C4orf51: variants seen among roughly 807,000 people sequenced by gnomAD.
C4orf51 encodes the protein chromosome 4 open reading frame 51.
In C4orf51, 25 loss-of-function variants were observed where a neutral mutation model predicts 25.2. The observed-to-expected ratio is 0.99, with a 90% CI of 0.72 to 1.39. The LOEUF (loss-of-function observed/expected upper bound fraction) is 1.39. C4orf51 is among the 40% of genes most tolerant of loss of function. The pLI is 0.00. For missense variants in C4orf51, 252 were observed against 239.6 expected (o/e 1.05, Z -0.34); for synonymous variants, 100 against 84.5 (o/e 1.18, Z -1.01).
In C4orf51 at chr4:145,725,038, G is replaced by T. The variant is rs1336867313; in HGVS notation, c.308-1873G>T. ...TAGACTTTGTGGACTCGGGGGAAAGGGTGGGAGGGGGATGAGGAATAAAAG... is the reference window on the plus strand; with the variant it reads ...TAGACTTTGTGGACTCGGGGGAAAGTGTGGGAGGGGGATGAGGAATAAAAG... On this transcript the variant is annotated intron_variant, in intron 2 of 5. Transcript: ENST00000438731. Among the ~76,000 whole-genome samples the T allele has an allele frequency of 2.0e-5, 3 of 151,962 alleles. No homozygotes were observed. In the South Asian group the frequency reaches 6.2e-4, roughly 32 times the overall value.
intron 5 of C4orf51, 48 bp from the exon 6 acceptor site, chr4:145,732,405 G>T (rs1178165538): frequency 1.5e-5 from 18 of 1,194,894 alleles, no homozygotes; most frequent in Non-Finnish European, 2.1e-5. Context: ...GTGGAAAAGT[G>T]ACCTTTGCGG....
intron 2 of C4orf51, among the ~76,000 whole-genome samples, chr4:145,704,564 T>C (rs1730675609): frequency 6.6e-6 from 1 of 152,258 alleles, no homozygotes; most frequent in East Asian, 1.9e-4. Flanking sequence ...GGTTCTCTAT[T>C]CTTTTTCATT....
chr4:145,681,870 A>G lies in C4orf51; in HGVS notation c.233+1434A>G, dbSNP rs567227068. Among the ~76,000 whole-genome samples the G allele has an allele frequency of 3.9e-5, 6 of 152,292 alleles. No homozygotes were observed. The South Asian group carries it at 1.2e-3, about 32-fold the overall frequency. On this transcript the variant is annotated intron_variant, in intron 1 of 5. Transcript: ENST00000438731. ...CACCTCTTATTAGTCCTTACCTCCCAAAACTATTGCATTGGGGATTAAATT... is the reference window on the plus strand; with the variant it reads ...CACCTCTTATTAGTCCTTACCTCCCGAAACTATTGCATTGGGGATTAAATT...
chr4:145,724,397 T>G (rs893542775), intron 2 of C4orf51, among the ~76,000 whole-genome samples: 15 of 152,086 alleles, frequency 9.9e-5, no homozygotes, highest in African/African-American at 3.6e-4. Flanking sequence ...TTAAGATACC[T>G]TCTTTAAAAA....
chr4:145,728,071 C>T (rs1435921880), intron 3 of C4orf51, among the ~76,000 whole-genome samples: 2 of 140,602 alleles, frequency 1.4e-5, no homozygotes, highest in Non-Finnish European at 3.0e-5. Flanking sequence ...CACACACACG[C>T]CATATAAGGA....
chr4:145,788,771 G>C, the C4orf51 span, among the ~76,000 whole-genome samples: 10 of 152,164 alleles, frequency 6.6e-5, no homozygotes, highest in Non-Finnish European at 1.3e-4. Context: ...AAGATTTAAG[G>C]TCTTAGCAAT....
intron 1 of C4orf51, among the ~76,000 whole-genome samples, chr4:145,752,620 G>A (rs1733732092): frequency 6.6e-6 from 1 of 152,188 alleles, no homozygotes; most frequent in African/African-American, 2.4e-5. Flanking sequence ...GGTTGGTGGA[G>A]GGTTGGCATG....
At chr4:145,697,173 C>T (rs1284738274) in intron 2 of C4orf51, among the ~76,000 whole-genome samples, 4 of 150,448 alleles carry the variant, frequency 2.7e-5, no homozygotes, top group African/African-American at 7.3e-5. Context: ...GATCTTGGCT[C>T]GCTGCAAACT....
intron 1 of C4orf51, among the ~76,000 whole-genome samples, chr4:145,770,654 GT>G (rs1195535428): frequency 4.6e-5 from 7 of 151,914 alleles, no homozygotes; most frequent in Non-Finnish European, 7.4e-5. Flanking sequence ...TTAGATATTT[GT>G]ACAGAGTTGG....
At chr4:145,700,756 TC>T (rs1293443572) in intron 2 of C4orf51, among the ~76,000 whole-genome samples, 2 of 152,004 alleles carry the variant, frequency 1.3e-5, no homozygotes, top group East Asian at 3.9e-4. Flanking sequence ...TTTCTAATCT[TC>T]CTTTTCTACA....
At chr4:145,782,946 T>C in the C4orf51 span, among the ~76,000 whole-genome samples, 3 of 152,234 alleles carry the variant, frequency 2.0e-5, no homozygotes, top group African/African-American at 7.2e-5. Flanking sequence ...ATCTCCTTGG[T>C]GAAGCCCTGC....
chr4:145,688,294 C>T (rs1729304249), intron 1 of C4orf51, among the ~76,000 whole-genome samples: 1 of 151,632 alleles, frequency 6.6e-6, no homozygotes, highest in Non-Finnish European at 1.5e-5. Context: ...GATCTCCACT[C>T]AGAAAACCAG....
chr4:145,681,819 T>C (rs865790883), intron 1 of C4orf51, among the ~76,000 whole-genome samples: 15 of 152,198 alleles, frequency 9.9e-5, no homozygotes, highest in African/African-American at 3.6e-4. Flanking sequence ...AATCTATTTG[T>C]GGAGGTTCCA....
chr4:145,682,857 T>C (rs1251779150), intron 1 of C4orf51, among the ~76,000 whole-genome samples: 1 of 152,154 alleles, frequency 6.6e-6, no homozygotes, highest in Non-Finnish European at 1.5e-5. Context: ...GACAGGAACG[T>C]GGCTCAAGTA....
intron 1 of C4orf51, among the ~76,000 whole-genome samples, chr4:145,692,979 T>TTTTTTTTTTTA (rs1729703880): frequency 1.0e-4 from 12 of 116,518 alleles, no homozygotes; most frequent in East Asian, 2.3e-4. Flanking sequence ...TTTTTTTTTT[T>TTTTTTTTTTTA]GTAAGTCCCA....
chr4:145,692,200 G>C (rs1729623378), intron 1 of C4orf51, among the ~76,000 whole-genome samples: 1 of 152,172 alleles, frequency 6.6e-6, no homozygotes. Flanking sequence ...ATTGACAGAA[G>C]AGTCAACAGT....
chr4:145,744,792 G>A (rs892209218), intron 1 of C4orf51, among the ~76,000 whole-genome samples: 1 of 151,738 alleles, frequency 6.6e-6, no homozygotes, highest in African/African-American at 2.4e-5. Flanking sequence ...GGCGGAGCTT[G>A]CAGTGAGCCA....
intron 1 of C4orf51, chr4:145,764,829 A>C: frequency 1.1e-6 from 1 of 933,284 alleles, no homozygotes; most frequent in Non-Finnish European, 1.7e-6. Context: ...GGTCTAATTC[A>C]ATCCAGCTAA....
intron 2 of C4orf51, among the ~76,000 whole-genome samples, chr4:145,716,795 AG>A (rs1731440892): frequency 6.6e-6 from 1 of 152,194 alleles, no homozygotes; most frequent in South Asian, 2.1e-4. Context: ...TAGCTTTCCT[AG>A]TAAAATTTGA....
Sources: allele counts gnomAD v4.1 joint callset (sites outside exome capture counted in the v4.1 genomes callset), GRCh38; gene constraint gnomAD v4.1.1; transcripts MANE v1.5; gene names NCBI Gene and HGNC (gene_info 2026-07-23, HGNC 2026-07-21).